VWA3B: variants seen among roughly 807,000 people sequenced by gnomAD.
The protein encoded by VWA3B is von Willebrand factor A domain containing 3B, also known as von Willebrand factor A domain-containing protein 3B.
A neutral mutation model predicts 158.3 loss-of-function variants in VWA3B; 138 were observed. That is an observed-to-expected ratio of 0.87 (90% CI 0.76 to 1.00). The LOEUF (loss-of-function observed/expected upper bound fraction) is 1.00. Ranked by LOEUF, VWA3B falls within the 50% of genes least tolerant of loss-of-function variation. VWA3B has a pLI of 0.00. For missense variants in VWA3B, 1,555 were observed against 1,565.1 expected, an observed-to-expected ratio of 0.99 and a Z score of 0.11; for synonymous variants, 596 against 587.3, an observed-to-expected ratio of 1.01 and a Z score of -0.21.
intron 18 of VWA3B, 31 bp downstream of exon 18, chr2:98,236,508 T>G (rs751725982): frequency 6.8e-6 from 11 of 1,614,092 alleles, no homozygotes; most frequent in Non-Finnish European, 5.1e-6. Flanking sequence ...AAGACAGTTC[T>G]GTTATGCTTC....
intron 7 of VWA3B, among the ~76,000 whole-genome samples, chr2:98,154,006 C>T (rs977840291): frequency 5.3e-5 from 8 of 152,156 alleles, no homozygotes; most frequent in African/African-American, 1.2e-4. Flanking sequence ...GGATTACAGG[C>T]GCCTGTCACC....
At position 98,230,050 on chromosome 2, in the gene VWA3B, G is replaced by C. The variant is rs745443856; in HGVS notation, c.2151G>C (p.Lys717Asn). The change falls in exon 16 of 28, where the codon AAG becomes AAC. Residue 717 changes from lysine (K) to asparagine (N), a missense_variant and splice_region_variant. Lys to Asn is a moderately conservative substitution (Grantham distance 94). Coordinates refer to ENST00000477737, the MANE Select transcript of VWA3B (RefSeq NM_144992.5). ...WYNAEKDGDS[K>N]HQKEICSMIS... ...CGACTTTTTATCTAAATCAAAACAG[G>C]CATCAAAAGGAAATCTGTTCTATGA... 6.4e-7 allele frequency: 1 copy of C among 1,561,212 alleles called. No homozygotes were observed. The highest frequency in any genetic ancestry group is 8.6e-7 in the Non-Finnish European group (1 of 1,162,166).
intron 19 of VWA3B, among the ~76,000 whole-genome samples, chr2:98,238,523 T>C (rs753377729): frequency 6.6e-6 from 1 of 152,174 alleles, no homozygotes; most frequent in African/African-American, 2.4e-5. Context: ...TTGGGCTTAT[T>C]ATGCCTCCTT....
At chr2:98,203,763 T>C (rs1236675690) in intron 12 of VWA3B, among the ~76,000 whole-genome samples, 1 of 152,250 alleles carries the variant, frequency 6.6e-6, no homozygotes, top group Non-Finnish European at 1.5e-5. Flanking sequence ...TTTTCATGTG[T>C]GGACTTTGCA....
In VWA3B at chr2:98,300,135, C is replaced by A; in HGVS notation, c.3339C>A (p.Val1113=). The A allele has an allele frequency of 6.2e-7, 1 of 1,614,220 alleles. No individual in the cohort carries two copies. The highest frequency in any genetic ancestry group is 8.5e-7 in the Non-Finnish European group (1 of 1,180,026). The part of the protein sequence containing the change: ...IVIPKGFDFY[V]PAIVIALPNK... ...TACCCAAAGGATTTGACTTCTATGT[C>A]CCTGCCATTGTCATAGCACTTCCCA... is the stretch of plus-strand genomic sequence containing the variant. The change falls in exon 25 of 28, where the codon GTC becomes GTA. Residue 1113 remains valine (V), a synonymous_variant. Coordinates refer to ENST00000477737, the MANE Select transcript of VWA3B (RefSeq NM_144992.5).
intron 21 of VWA3B, among the ~76,000 whole-genome samples, chr2:98,267,768 A>T (rs980232705): frequency 2.0e-5 from 3 of 152,144 alleles, no homozygotes; most frequent in Non-Finnish European, 4.4e-5. Context: ...TTTTGAAAGG[A>T]TCAATAAAAT....
intron 5 of VWA3B, among the ~76,000 whole-genome samples, chr2:98,122,648 G>A (rs1387277530): frequency 3.3e-5 from 5 of 152,166 alleles, no homozygotes; most frequent in African/African-American, 1.2e-4. Context: ...GTGTGTGCAT[G>A]AGCCTGGGCA....
At chr2:98,323,479 C>A in the VWA3B span, among the ~76,000 whole-genome samples, 1 of 150,980 alleles carries the variant, frequency 6.6e-6, no homozygotes. Context: ...AATTGGAGAC[C>A]TAGAAGAGGA....
chr2:98,123,483 C>T (rs1400209936), intron 5 of VWA3B, among the ~76,000 whole-genome samples: 9 of 152,132 alleles, frequency 5.9e-5, no homozygotes, highest in Admixed American at 4.6e-4. Flanking sequence ...GTAACCACCG[C>T]GGGCCAGGAA....
chr2:98,095,142 T>A (rs1486339310), intron 2 of VWA3B, among the ~76,000 whole-genome samples: 1 of 152,200 alleles, frequency 6.6e-6, no homozygotes, highest in East Asian at 1.9e-4. Context: ...TTAAGGATTG[T>A]TTTTTCTATG....
chr2:98,234,354 G>A (rs1685535375), intron 16 of VWA3B, among the ~76,000 whole-genome samples: 1 of 152,170 alleles, frequency 6.6e-6, no homozygotes, highest in Non-Finnish European at 1.5e-5. Flanking sequence ...GAGGCCGCTG[G>A]GCTACAGTCA....
At chr2:98,256,075 G>T (rs1558733040) in intron 20 of VWA3B, 49 bp from the exon 21 acceptor site, 10 of 1,607,186 alleles carry the variant, frequency 6.2e-6, no homozygotes, top group Non-Finnish European at 8.5e-6. Context: ...CTTTTGCCAT[G>T]AAATGAAGTA....
chr2:98,175,154 A>G (rs1243231364), intron 8 of VWA3B, among the ~76,000 whole-genome samples: 1 of 152,190 alleles, frequency 6.6e-6, no homozygotes, highest in Non-Finnish European at 1.5e-5. Flanking sequence ...CATACAAAGG[A>G]AAAAAAGCAA....
intron 23 of VWA3B, among the ~76,000 whole-genome samples, chr2:98,297,006 T>C (rs980467311): frequency 6.6e-6 from 1 of 151,744 alleles, no homozygotes; most frequent in African/African-American, 2.4e-5. Flanking sequence ...AAACCGCAAT[T>C]ATTTTTATAC....
chr2:98,157,553 T>C (rs1315967833), intron 7 of VWA3B, among the ~76,000 whole-genome samples: 1 of 152,246 alleles, frequency 6.6e-6, no homozygotes, highest in East Asian at 1.9e-4. Context: ...TAATTTTAGG[T>C]CTCTGGGAAT....
chr2:98,213,698 C>T (rs905997518), intron 13 of VWA3B, among the ~76,000 whole-genome samples: 3 of 152,186 alleles, frequency 2.0e-5, no homozygotes, highest in Middle Eastern at 3.4e-3. Flanking sequence ...GCTGTGTTTG[C>T]GAACCTCTAG....
At chr2:98,149,497 G>A (rs1404087549) in intron 7 of VWA3B, among the ~76,000 whole-genome samples, 4 of 152,236 alleles carry the variant, frequency 2.6e-5, no homozygotes, top group Non-Finnish European at 4.4e-5. Flanking sequence ...GTAGTGGCCT[G>A]CAGTCAGTCT....
At chr2:98,290,692 A>C (rs774638569) in intron 23 of VWA3B, 70 bp downstream of exon 23, 5 of 1,114,088 alleles carry the variant, frequency 4.5e-6, no homozygotes, top group African/African-American at 1.6e-5. Flanking sequence ...AGAAGTTTCA[A>C]CCTGTGCTTT....
chr2:98,303,687 T>C lies in VWA3B; in HGVS notation c.3421-15T>C, dbSNP rs935982611. The C allele has an allele frequency of 3.1e-6, 5 of 1,610,950 alleles. No individual in the cohort carries two copies. Among genetic ancestry groups the C allele is most frequent in the Non-Finnish European group, 4.2e-6 (5 of 1,177,108 alleles). ...TCTGATTTAAGTTGAGTGAACTCTGTTGGTATTATTACAGGAATTTTGCCC... is the reference window on the plus strand; with the variant it reads ...TCTGATTTAAGTTGAGTGAACTCTGCTGGTATTATTACAGGAATTTTGCCC... On this transcript the variant is annotated splice_polypyrimidine_tract_variant and intron_variant, in intron 25 of 27. Transcript: ENST00000477737.
Sources: allele counts gnomAD v4.1 joint callset (sites outside exome capture counted in the v4.1 genomes callset), GRCh38; gene constraint gnomAD v4.1.1; transcripts MANE v1.5; gene names NCBI Gene and HGNC (gene_info 2026-07-23, HGNC 2026-07-21).